The following DPYD variants were observed in gnomAD, a reference collection of about 807,000 sequenced individuals.
The protein encoded by DPYD is dihydropyrimidine dehydrogenase [NADP(+)].
DPYD carries 109 observed loss-of-function variants against 116.2 expected under a neutral mutation model. The observed-to-expected ratio is 0.94, with a 90% CI of 0.80 to 1.10. DPYD has a LOEUF of 1.10. Among genes scored for constraint, DPYD ranks in the 50% least tolerant of loss-of-function variants. The pLI is 0.00. For missense variants in DPYD, 1,302 were observed against 1,254.5 expected, an observed-to-expected ratio of 1.04 and a Z score of -0.57; for synonymous variants, 440 against 432.0, an observed-to-expected ratio of 1.02 and a Z score of -0.23.
chr1:97,322,137 TGAC>T (rs1668322142), intron 16 of DPYD, among the ~76,000 whole-genome samples: 2 of 138,032 alleles, frequency 1.4e-5, no homozygotes, highest in South Asian at 5.2e-4. Context: ...TAATGCTAGA[TGAC>T]GCGTTAGTGG....
chr1:97,238,656 CT>C (rs1346796985), intron 18 of DPYD, among the ~76,000 whole-genome samples: 3 of 152,030 alleles, frequency 2.0e-5, no homozygotes, highest in Admixed American at 6.6e-5. Context: ...AGATAAAGGT[CT>C]TTTAAAATTT....
At chr1:97,525,978 A>AGTGTGTGTGTGTGTGTGT (rs71071658) in intron 12 of DPYD, among the ~76,000 whole-genome samples, 8 of 138,224 alleles carry the variant, frequency 5.8e-5, no homozygotes, top group South Asian at 2.4e-4. Flanking sequence ...GGTAATTAAG[A>AGTGTGTGTGTGTGTGTGT]GTGTGTGTGT....
chr1:97,718,474 A>C (rs1414468364), intron 5 of DPYD, among the ~76,000 whole-genome samples: 1 of 151,998 alleles, frequency 6.6e-6, no homozygotes, highest in East Asian at 1.9e-4. Flanking sequence ...TTTTTGTGAA[A>C]TAAATTTTAT....
chr1:97,583,942 C>T (rs866892873), intron 10 of DPYD, among the ~76,000 whole-genome samples: 9 of 152,090 alleles, frequency 5.9e-5, no homozygotes, highest in African/African-American at 1.9e-4. Flanking sequence ...AATAGGATGG[C>T]TGGGTCAAAT....
chr1:97,290,062 C>G (rs1345008637), intron 18 of DPYD, among the ~76,000 whole-genome samples: 1 of 152,080 alleles, frequency 6.6e-6, no homozygotes, highest in Non-Finnish European at 1.5e-5. Context: ...GACAGAGAGC[C>G]AAATCATGAG....
intron 10 of DPYD, among the ~76,000 whole-genome samples, chr1:97,588,085 T>C (rs1226280113): frequency 6.6e-6 from 1 of 152,132 alleles, no homozygotes; most frequent in African/African-American, 2.4e-5. Context: ...ATGAACAGAC[T>C]GAGCAATCCG....
intron 8 of DPYD, among the ~76,000 whole-genome samples, chr1:97,646,201 T>C (rs1022304074): frequency 6.6e-6 from 1 of 152,166 alleles, no homozygotes. Context: ...TCTGTTCCAG[T>C]GCAGTGCAGA....
At chr1:97,908,292 C>T (rs1673747185) in intron 1 of DPYD, among the ~76,000 whole-genome samples, 1 of 151,980 alleles carries the variant, frequency 6.6e-6, no homozygotes. Context: ...ACAATCCACA[C>T]CACTTGGCCT....
intron 14 of DPYD, among the ~76,000 whole-genome samples, chr1:97,395,531 C>T (rs967090980): frequency 3.9e-5 from 6 of 152,002 alleles, no homozygotes; most frequent in African/African-American, 1.4e-4. Flanking sequence ...TACATCAAGA[C>T]TATACCATAT....
chr1:97,409,581 A>ACTTACT, intron 14 of DPYD, among the ~76,000 whole-genome samples: 1 of 152,338 alleles, frequency 6.6e-6, no homozygotes, highest in African/African-American at 2.4e-5. Flanking sequence ...AAAACACACA[A>ACTTACT]CTTACTCTTT....
chr1:97,194,565 C>T (rs560516842), intron 19 of DPYD, among the ~76,000 whole-genome samples: 173 of 152,078 alleles, frequency 1.1e-3, no homozygotes, highest in African/African-American at 3.5e-3. Flanking sequence ...AGTGCAGCAG[C>T]GCGATCTCGG....
At chr1:97,412,871 C>A (rs1341546485) in intron 14 of DPYD, among the ~76,000 whole-genome samples, 1 of 152,120 alleles carries the variant, frequency 6.6e-6, no homozygotes, top group Non-Finnish European at 1.5e-5. Flanking sequence ...AATGAAAGAA[C>A]AGAAAGGTGT....
At chr1:97,242,003 T>C (rs1453417188) in intron 18 of DPYD, among the ~76,000 whole-genome samples, 1 of 150,746 alleles carries the variant, frequency 6.6e-6, no homozygotes, top group East Asian at 1.9e-4. Context: ...CCATATATTA[T>C]TTCATTGGCT....
chr1:97,383,756 C>G (rs1446912410), intron 14 of DPYD, among the ~76,000 whole-genome samples: 1 of 152,050 alleles, frequency 6.6e-6, no homozygotes, highest in African/African-American at 2.4e-5. Flanking sequence ...GTTTTGCTAG[C>G]CCAAAGCACA....
chr1:97,525,131 T>A (rs72729981), intron 12 of DPYD, among the ~76,000 whole-genome samples: 2,448 of 152,282 alleles, frequency 0.016, 76 homozygotes, highest in African/African-American at 0.055. Context: ...AGCATGGTTA[T>A]CTCTCACTGA....
intron 1 of DPYD, among the ~76,000 whole-genome samples, chr1:97,892,602 G>A (rs993803564): frequency 6.6e-6 from 1 of 151,566 alleles, no homozygotes; most frequent in Non-Finnish European, 1.5e-5. Flanking sequence ...AATCAGTCCT[G>A]GTCAAAGACT....
chr1:97,171,155 T>C (rs1024462361), intron 20 of DPYD, among the ~76,000 whole-genome samples: 2 of 151,552 alleles, frequency 1.3e-5, no homozygotes, highest in African/African-American at 4.9e-5. Context: ...GGAGGAAGAG[T>C]TGGACCTGTG....
At chr1:97,536,900 A>G (rs900083493) in intron 12 of DPYD, among the ~76,000 whole-genome samples, 1 of 152,176 alleles carries the variant, frequency 6.6e-6, no homozygotes, top group African/African-American at 2.4e-5. Context: ...CTGCCTCAAA[A>G]CCTGCAAAGG....
chr1:97,107,564 A>G (rs974095258), intron 20 of DPYD, among the ~76,000 whole-genome samples: 1 of 152,114 alleles, frequency 6.6e-6, no homozygotes, highest in South Asian at 2.1e-4. Flanking sequence ...ATATCAGCTT[A>G]TTAACTGATC....
Sources: gnomAD v4.1 joint callset for allele counts (sites outside exome capture counted in the v4.1 genomes callset) on GRCh38, gnomAD v4.1.1 for gene constraint, MANE v1.5 for transcripts, NCBI Gene and HGNC (gene_info 2026-07-23, HGNC 2026-07-21) for gene names.